The following OR51B5 variants were observed in gnomAD, a reference collection of about 807,000 sequenced individuals.
OR51B5 encodes olfactory receptor family 51 subfamily B member 5.
For missense variants in OR51B5, 456 were observed against 374.6 expected, an observed-to-expected ratio of 1.22 and a Z score of -1.79; for synonymous variants, 186 against 144.8, an observed-to-expected ratio of 1.28 and a Z score of -2.04.
chr11:5,385,839 T>A lies in OR51B5; in HGVS notation n.85-38929A>T, dbSNP rs149591589. On this transcript the variant is annotated intron_variant and non_coding_transcript_variant, in intron 1 of 4. Coordinates refer to the OR51B5 transcript ENST00000415970. Reference sequence around the variant, plus strand: ...AAGTATATAAAGAATATATAATGTATATACTAAAATGTATATTCTATAAAG... The same window carrying A: ...AAGTATATAAAGAATATATAATGTAAATACTAAAATGTATATTCTATAAAG... Among the ~76,000 whole-genome samples, 465 of 147,918 alleles carry A rather than the reference T, an allele frequency of 3.1e-3. 5 individuals carry two copies. Among genetic ancestry groups the A allele is most frequent in the African/African-American group, 0.011 (433 of 40,688 alleles).
chr11:5,486,063 G>A (rs757900431), intron 1 of OR51B5, among the ~76,000 whole-genome samples: 19 of 152,052 alleles, frequency 1.2e-4, no homozygotes, highest in Non-Finnish European at 1.6e-4. Context: ...CAAGGAGAAA[G>A]GACTCACAAA....
intron 1 of OR51B5, among the ~76,000 whole-genome samples, chr11:5,476,958 C>G (rs1231273426): frequency 2.0e-5 from 3 of 152,164 alleles, no homozygotes; most frequent in African/African-American, 4.8e-5. Flanking sequence ...TTCCGTTATA[C>G]AAGATGAATA....
intron 1 of OR51B5, chr11:5,362,478 T>A (rs1406192897): frequency 6.5e-6 from 1 of 154,858 alleles, no homozygotes; most frequent in Non-Finnish European, 1.4e-5. Context: ...GTCTACTGGA[T>A]ACTATGAATC....
Position 5,365,726 on chromosome 11 carries a change from A to G in OR51B5, n.85-18816T>C, listed in dbSNP as rs115331107. On this transcript the variant is annotated intron_variant and non_coding_transcript_variant, in intron 1 of 4. Coordinates refer to the OR51B5 transcript ENST00000415970. ...AACTGATACATTTAAATTGTCCTGT[A>G]ATTATTTAAAAAATAGATATAAGCT... is the stretch of plus-strand genomic sequence containing the variant. Among the ~76,000 whole-genome samples, 917 of 152,320 alleles carry G rather than the reference A, an allele frequency of 6.0e-3. 14 individuals carry two copies. Among genetic ancestry groups the G allele is most frequent in the African/African-American group, 0.02 (838 of 41,554 alleles).
At chr11:5,461,277 G>A (rs889937644) in intron 1 of OR51B5, among the ~76,000 whole-genome samples, 6 of 152,152 alleles carry the variant, frequency 3.9e-5, no homozygotes, top group African/African-American at 1.2e-4. Flanking sequence ...GGCGAGGCGC[G>A]CCGGCGGGGA....
At chr11:5,455,599 A>AAAAGAG (rs372433086) in intron 1 of OR51B5, 172 of 102,880 alleles carry the variant, frequency 1.7e-3, no homozygotes, top group African/African-American at 5.4e-3. Flanking sequence ...GAGAAAGAGA[A>AAAAGAG]AAAGAGAAAG....
chr11:5,368,363 T>C (rs947535449), intron 1 of OR51B5, among the ~76,000 whole-genome samples: 1 of 152,196 alleles, frequency 6.6e-6, no homozygotes, highest in African/African-American at 2.4e-5. Flanking sequence ...GGGATACCAA[T>C]AGTACCCACA....
chr11:5,473,062 T>G (rs2133802478), intron 1 of OR51B5, among the ~76,000 whole-genome samples: 1 of 152,332 alleles, frequency 6.6e-6, no homozygotes, highest in East Asian at 1.9e-4. Context: ...ATGAATGTCA[T>G]TAAGAAAATT....
intron 1 of OR51B5, among the ~76,000 whole-genome samples, chr11:5,357,980 A>G (rs1057448248): frequency 5.3e-5 from 8 of 152,110 alleles, no homozygotes; most frequent in Admixed American, 3.9e-4. Flanking sequence ...TCTCTGGGAC[A>G]CATTCAAAGC....
At position 5,396,201 on chromosome 11, in the gene OR51B5, T is replaced by C. The variant is rs371606944; in HGVS notation, n.85-49291A>G. 9.9e-4 allele frequency among the ~76,000 whole-genome samples: 151 copies of C among 152,254 alleles called. 1 individual carries two copies. The East Asian group carries it at 0.023, about 23-fold the overall frequency. ...CTCTCACCACTCCTATTCAACATAG[T>C]GTTGGAAGTTCTGGCCCGGGCAATC... On this transcript the variant is annotated intron_variant and non_coding_transcript_variant, in intron 1 of 4. Transcript: ENST00000415970.
rs540335010 is a variant in OR51B5, at chr11:5,407,633, A to G, written n.85-60723T>C. On this transcript the variant is annotated intron_variant and non_coding_transcript_variant, in intron 1 of 4. Transcript: ENST00000415970. Reference sequence around the variant, plus strand: ...CATGTGTTCAATTTATCTGCTTTACATATTTTGATTTACACATTTTTCTCC... The same window carrying G: ...CATGTGTTCAATTTATCTGCTTTACGTATTTTGATTTACACATTTTTCTCC... Among the ~76,000 whole-genome samples, 479 of 151,108 alleles carry G rather than the reference A, an allele frequency of 3.2e-3. 1 individual carries two copies. The highest frequency in any genetic ancestry group is 0.011 in the African/African-American group (467 of 41,244).
intron 1 of OR51B5, chr11:5,402,506 T>C: frequency 2.7e-6 from 1 of 368,610 alleles, no homozygotes; most frequent in Non-Finnish European, 5.5e-6. Flanking sequence ...CTTCCCTCAG[T>C]GCCCAGTTGT....
At chr11:5,404,174 A>AG (rs1212757425) in intron 1 of OR51B5, among the ~76,000 whole-genome samples, 11 of 1,468 alleles carry the variant, frequency 7.5e-3, no homozygotes, top group African/African-American at 0.028. Context: ...TGGGGCGGGG[A>AG]GGGCGGGGGG....
At chr11:5,341,294 G>A (rs1182807755), downstream of OR51B5, 1 of 152,146 alleles carries the variant, frequency 6.6e-6, no homozygotes, top group Non-Finnish European at 1.5e-5. Context: ...ATTTGCCTAT[G>A]GCCTGCTACC....
intron 1 of OR51B5, among the ~76,000 whole-genome samples, chr11:5,451,268 G>C (rs1850842785): frequency 6.6e-6 from 1 of 152,206 alleles, no homozygotes; most frequent in Non-Finnish European, 1.5e-5. Context: ...TAAGTCCCCA[G>C]ACCCAGAATG....
At chr11:5,429,228 A>T (rs1850495826) in intron 1 of OR51B5, among the ~76,000 whole-genome samples, 2 of 150,108 alleles carry the variant, frequency 1.3e-5, no homozygotes, top group Admixed American at 6.7e-5. Context: ...CCAGCCTTTG[A>T]GAGTTTGGGG....
At chr11:5,413,381 C>G (rs183439567) in intron 1 of OR51B5, among the ~76,000 whole-genome samples, 1 of 152,162 alleles carries the variant, frequency 6.6e-6, no homozygotes, top group Admixed American at 6.5e-5. Flanking sequence ...CAGAGCACCT[C>G]TCCTCCTCCA....
At position 5,390,180 on chromosome 11, in the gene OR51B5, T is replaced by C. The variant is rs1238883494; in HGVS notation, n.85-43270A>G. 6.2e-7 allele frequency: 1 copy of C among 1,614,014 alleles called. No individual in the cohort carries two copies. Among genetic ancestry groups the C allele is most frequent in the Non-Finnish European group, 8.5e-7 (1 of 1,179,872 alleles). On this transcript the variant is annotated intron_variant and non_coding_transcript_variant, in intron 1 of 4. Coordinates refer to the OR51B5 transcript ENST00000415970. ...TGCACCGCTCCTCTCTGTGCTGTGC[T>C]AGTATTCTTTGTGCCCATGATGGGG... is the stretch of plus-strand genomic sequence containing the variant.
chr11:5,431,271 G>A, intron 1 of OR51B5: 3 of 316,954 alleles, frequency 9.5e-6, no homozygotes, highest in South Asian at 8.3e-5. Flanking sequence ...CTGACTCCAT[G>A]CAGGAGAAGG....
Sources: allele counts gnomAD v4.1 joint callset (sites outside exome capture counted in the v4.1 genomes callset), GRCh38; gene constraint gnomAD v4.1.1; transcripts MANE v1.5; gene names NCBI Gene and HGNC (gene_info 2026-07-23, HGNC 2026-07-21).